CUL4B: variants seen among roughly 807,000 people sequenced by gnomAD.
CUL4B encodes cullin-4B.
Under a neutral mutation model 69.2 loss-of-function variants are expected in CUL4B, and 1 was observed. The ratio of observed to expected loss-of-function variants is 0.01; its 90% CI spans 0.01 to 0.07. The LOEUF (loss-of-function observed/expected upper bound fraction) is 0.07. Ranked by LOEUF, CUL4B falls within the 10% of genes least tolerant of loss-of-function variation. The pLI, the probability that CUL4B is intolerant of heterozygous loss-of-function variation, is 1.00. For missense variants in CUL4B, 328 were observed against 638.8 expected (o/e 0.51, Z 5.24); for synonymous variants, 237 against 223.2 (o/e 1.06, Z -0.55).
downstream of CUL4B, among the ~76,000 whole-genome samples, chrX:120,569,229 G>A (rs1254332332): frequency 9.0e-6 from 1 of 111,589 alleles, no homozygotes; most frequent in Non-Finnish European, 1.9e-5. Flanking sequence ...GAACCCTGCC[G>A]GCAGACCCAT....
At chrX:120,561,257 C>T (rs755187457), upstream of CUL4B, 104 of 515,564 alleles carry the variant, frequency 2.0e-4, 1 homozygote, top group Middle Eastern at 5.2e-4. Flanking sequence ...CGCTCCTGCT[C>T]CCGCTCCCCT....
rs774892768 is a variant in CUL4B at position 120,524,114 on chromosome X, C to T, written c.*2647G>A. On this transcript the variant is annotated 3_prime_UTR_variant, in exon 20 of 20. Coordinates refer to ENST00000371322, the MANE Select transcript of CUL4B (RefSeq NM_001079872.2). Reference sequence around the variant, plus strand: ...ACACTCACATACACAGCAAAAATTTCAAGAGTATGGCTAGACATCATATTA... The same window carrying T: ...ACACTCACATACACAGCAAAAATTTTAAGAGTATGGCTAGACATCATATTA... Among the ~76,000 whole-genome samples, 55 of 111,323 alleles carry T rather than the reference C, an allele frequency of 4.9e-4. No individual in the cohort carries two copies. Among genetic ancestry groups the T allele is most frequent in the South Asian group, 7.5e-4 (2 of 2,677 alleles).
At chrX:120,549,910 C>T (rs1423587436) in intron 2 of CUL4B, among the ~76,000 whole-genome samples, 1 of 111,717 alleles carries the variant, frequency 9.0e-6, no homozygotes, top group African/African-American at 3.3e-5. Context: ...TGACTTAGTG[C>T]GTACTTCATC....
intron 16 of CUL4B, 60 bp downstream of exon 16, chrX:120,535,770 G>T: frequency 1.5e-6 from 1 of 662,966 alleles, no homozygotes; most frequent in Non-Finnish European, 2.5e-6. Flanking sequence ...CAGTTAAGAA[G>T]GATGACCTAA....
intron 18 of CUL4B, among the ~76,000 whole-genome samples, chrX:120,530,580 T>C (rs766543340): frequency 1.4e-4 from 16 of 112,394 alleles, no homozygotes; most frequent in African/African-American, 5.2e-4. Context: ...ATATATCTTC[T>C]AAATGTGTGT....
intron 18 of CUL4B, among the ~76,000 whole-genome samples, chrX:120,531,948 C>CTTTT (rs1923345920): frequency 9.0e-6 from 1 of 111,011 alleles, no homozygotes; most frequent in Non-Finnish European, 1.9e-5. Context: ...ACTAAGACTC[C>CTTTT]TAAAATGTTC....
chrX:120,562,054 G>A (rs751549630), upstream of CUL4B, among the ~76,000 whole-genome samples: 3 of 111,156 alleles, frequency 2.7e-5, no homozygotes, highest in African/African-American at 6.6e-5. Flanking sequence ...CTAAGGCGAA[G>A]AAATGGAAAG....
intron 18 of CUL4B, among the ~76,000 whole-genome samples, chrX:120,530,928 T>C (rs1923272257): frequency 8.9e-6 from 1 of 112,016 alleles, no homozygotes; most frequent in Admixed American, 9.5e-5. Flanking sequence ...ATAAATGTTT[T>C]AAAAGTAAGG....
At chrX:120,574,480 G>A in intron 2 of CUL4B, 1 of 934,107 alleles carries the variant, frequency 1.1e-6, no homozygotes, top group Non-Finnish European at 1.6e-6. Flanking sequence ...TTACAGGCGT[G>A]AGCCACCGCG....
At chrX:120,527,635 C>T (rs756499309) in intron 19 of CUL4B, among the ~76,000 whole-genome samples, 1 of 111,485 alleles carries the variant, frequency 9.0e-6, no homozygotes, top group African/African-American at 3.3e-5. Context: ...ACACAAAATT[C>T]ATCTATGTTT....
At position 120,545,449 on chromosome X, in the gene CUL4B, G is replaced by A. The variant is rs1241857988; in HGVS notation, c.915C>T (p.Ser305=). 4.3e-6 allele frequency: 5 copies of A among 1,165,802 alleles called. No homozygotes were observed. Among genetic ancestry groups the A allele is most frequent in the Non-Finnish European group, 5.8e-6 (5 of 863,251 alleles). ...TYVLQNSMLP[S]IWDMGLELFR... ...TATTTTTCTGGCATCCTTACCAAAT[G>A]GAGGGTAGCATTGAATTCTGAAGAA... Residue 305 remains serine, a synonymous_variant, in exon 5 of 20, where the codon TCC becomes TCT. Coordinates refer to ENST00000371322, the MANE Select transcript of CUL4B (RefSeq NM_001079872.2).
chrX:120,551,690 C>T (rs1303300186), intron 2 of CUL4B, among the ~76,000 whole-genome samples: 8 of 112,379 alleles, frequency 7.1e-5, no homozygotes, highest in African/African-American at 2.6e-4. Context: ...CGAACCTACA[C>T]ATCATTACTC....
At chrX:120,561,171 G>A (rs905562807), upstream of CUL4B, 7 of 772,677 alleles carry the variant, frequency 9.1e-6, no homozygotes, top group African/African-American at 4.3e-5. Context: ...GCAGCCGCCC[G>A]GGGGGCGGGG....
In CUL4B at chrX:120,526,482, A is replaced by G; in HGVS notation, c.*279T>C. On this transcript the variant is annotated 3_prime_UTR_variant, in exon 20 of 20. Transcript: ENST00000371322. ...CCACAGGGATCTCTTTCCCAGTTCC[A>G]AAGAGGAATTCATGAAGACCAGGTA... 1 of 211,852 alleles carries G rather than the reference A, an allele frequency of 4.7e-6. No individual in the cohort carries two copies. Among genetic ancestry groups the G allele is most frequent in the East Asian group, 1.2e-4 (1 of 8,211 alleles). The allele number at this position is 211,852 out of a possible 1,213,427, so 17.5% of individuals were successfully genotyped here.
intron 2 of CUL4B, among the ~76,000 whole-genome samples, chrX:120,552,146 A>C (rs890005013): frequency 1.8e-5 from 2 of 112,272 alleles, no homozygotes; most frequent in Admixed American, 1.9e-4. Context: ...ATTTACACTA[A>C]TAAAACACTT....
At chrX:120,535,599 G>A (rs1302694471) in intron 16 of CUL4B, among the ~76,000 whole-genome samples, 1 of 106,678 alleles carries the variant, frequency 9.4e-6, no homozygotes, top group Non-Finnish European at 1.9e-5. Flanking sequence ...CCAGCCACTC[G>A]GGAGGCTGAG....
chrX:120,560,677 C>G lies in CUL4B; in HGVS notation c.-39G>C, dbSNP rs772008521. The G allele has an allele frequency of 6.7e-6, 8 of 1,189,436 alleles. No individual in the cohort carries two copies. In the African/African-American group the frequency reaches 1.3e-4, roughly 19 times the overall value. Reference sequence around the variant, plus strand: ...TCAACAGGCAGAGGAGCATCAAAAACCTACGTTTATATGCCTGCGTGCGTG... The same window carrying G: ...TCAACAGGCAGAGGAGCATCAAAAAGCTACGTTTATATGCCTGCGTGCGTG... On this transcript the variant is annotated 5_prime_UTR_variant, in exon 1 of 20. Coordinates refer to ENST00000371322, the MANE Select transcript of CUL4B (RefSeq NM_001079872.2).
chrX:120,543,041 G>T lies in CUL4B; in HGVS notation c.1257-8C>A. The T allele has an allele frequency of 1.1e-6, 1 of 898,132 alleles. No homozygotes were observed. The allele number at this position is 898,132 out of a possible 1,213,427, so 74.0% of individuals were successfully genotyped here. The stretch of plus-strand genomic sequence containing the variant: ...GTAGCAATTAATGACTTCCTACAAG[G>T]AAAAAAAAAAAGGTTAGTATTATTG... On this transcript the variant is annotated splice_polypyrimidine_tract_variant and splice_region_variant and intron_variant, in intron 8 of 19. Coordinates refer to ENST00000371322, the MANE Select transcript of CUL4B (RefSeq NM_001079872.2).
chrX:120,526,892 T>C lies in CUL4B; in HGVS notation c.2593-36A>G, dbSNP rs767985470. The C allele has an allele frequency of 1.8e-5, 16 of 902,929 alleles. No homozygotes were observed. In the East Asian group the frequency reaches 2.9e-4, roughly 17 times the overall value. The allele number at this position is 902,929 out of a possible 1,213,427, so 74.4% of individuals were successfully genotyped here. On this transcript the variant is annotated intron_variant, in intron 19 of 19. Transcript: ENST00000371322. ...AGGCAAATTTTCAATGTAAAGTTCATTATCATTGGCTCAAGCCCATTTAGT... is the reference window on the plus strand; with the variant it reads ...AGGCAAATTTTCAATGTAAAGTTCACTATCATTGGCTCAAGCCCATTTAGT...
Sources: gnomAD v4.1 joint callset for allele counts (sites outside exome capture counted in the v4.1 genomes callset) on GRCh38, gnomAD v4.1.1 for gene constraint, MANE v1.5 for transcripts, NCBI Gene and HGNC (gene_info 2026-07-23, HGNC 2026-07-21) for gene names.